The following FAM169A variants were observed in gnomAD, a reference collection of about 807,000 sequenced individuals.
The protein encoded by FAM169A is family with sequence similarity 169 member A.
In FAM169A, 24 loss-of-function variants were observed where a neutral mutation model predicts 75.7. The observed-to-expected ratio is 0.32, with a 90% confidence interval of 0.23 to 0.45. FAM169A has a LOEUF of 0.45. Ranked by LOEUF, FAM169A falls within the 20% of genes least tolerant of loss-of-function variation. FAM169A has a pLI of 1.00. For missense variants in FAM169A, 673 were observed against 784.0 expected (o/e 0.86, Z 1.69); for synonymous variants, 271 against 271.0 (o/e 1.00, Z 0.00).
rs534771614 is a variant in FAM169A, at chr5:74,804,699, G to T, written c.800-94C>A. On this transcript the variant is annotated intron_variant, in intron 7 of 12. Coordinates refer to ENST00000687041, the MANE Select transcript of FAM169A (RefSeq NM_001376049.1). ...ATTTTCCTAAAAGCTCTGAAGAGCA[G>T]CCTGGACAGAAGGGTCACGAAAATC... 4.4e-5 allele frequency: 29 copies of T among 654,848 alleles called. No individual in the cohort carries two copies. In the South Asian group the frequency reaches 6.5e-4, roughly 15 times the overall value. The allele number at this position is 654,848 out of a possible 1,614,324, so 40.6% of individuals were successfully genotyped here.
At position 74,781,275 on chromosome 5, in the gene FAM169A, G is replaced by A. The variant is rs1745395093; in HGVS notation, c.*185C>T. On this transcript the variant is annotated 3_prime_UTR_variant, in exon 13 of 13. Transcript: ENST00000687041. ...AAATTGCATTTACCAAAAATAGCCT[G>A]GAAAATTAAAAACAATGGTGAATTC... 1 of 506,750 alleles carries A rather than the reference G, an allele frequency of 2.0e-6. No individual in the cohort carries two copies. Among genetic ancestry groups the A allele is most frequent in the African/African-American group, 1.9e-5 (1 of 52,504 alleles). 31.4% of individuals were successfully genotyped at this position (506,750 alleles called of 1,614,324 possible). A position where few individuals can be genotyped will look rare whatever the true frequency, so the allele number is the denominator to read the frequency against.
At chr5:74,852,403 G>A (rs16872340) in intron 1 of FAM169A, among the ~76,000 whole-genome samples, 9,307 of 152,122 alleles carry the variant, frequency 0.061, 621 homozygotes, top group African/African-American at 0.16. Flanking sequence ...CCTCTCATTG[G>A]CAGCAGGCCC....
chr5:74,786,460 A>T (rs1745698877), intron 11 of FAM169A, among the ~76,000 whole-genome samples: 1 of 152,162 alleles, frequency 6.6e-6, no homozygotes. Flanking sequence ...GAGAACACTG[A>T]TAGTCTTTGG....
Position 74,781,836 on chromosome 5 carries a change from G to A in FAM169A, c.1637C>T (p.Ser546Phe). 6.2e-7 allele frequency: 1 copy of A among 1,614,090 alleles called. No individual in the cohort carries two copies. The highest frequency in any genetic ancestry group is 8.5e-7 in the Non-Finnish European group (1 of 1,180,008). The change falls in exon 13 of 13, where the codon TCT becomes TTT. Residue 546 changes from serine (S) to phenylalanine (F), a missense_variant. Ser to Phe is a radical substitution (Grantham distance 155). Transcript: ENST00000687041. Reference protein sequence around the residue: ...EERSDGGFPNSVIAEFSEEPV... With the variant: ...EERSDGGFPNFVIAEFSEEPV... ...TTCTTCGGAAAATTCAGCTATCACA[G>A]AGTTTGGAAAACCACCATCAGATCG...
intron 3 of FAM169A, 79 bp downstream of exon 3, chr5:74,839,995 C>T (rs1163514280): frequency 1.0e-5 from 7 of 694,220 alleles, no homozygotes; most frequent in Non-Finnish European, 1.5e-5. Context: ...CAAATTCCTT[C>T]ATGTAGCTAC....
chr5:74,841,775 T>C (rs1000564578), intron 1 of FAM169A, 96 bp from the exon 2 acceptor site: 2 of 1,109,476 alleles, frequency 1.8e-6, no homozygotes, highest in Non-Finnish European at 2.5e-6. Flanking sequence ...TGCCATATTT[T>C]GTTATAACAA....
chr5:74,840,727 G>T (rs1748819216), intron 2 of FAM169A, among the ~76,000 whole-genome samples: 1 of 151,486 alleles, frequency 6.6e-6, no homozygotes, highest in African/African-American at 2.4e-5. Context: ...TACTCGGGAG[G>T]CTAAGGCAGG....
chr5:74,839,724 A>C lies in FAM169A; in HGVS notation c.232+350T>G, dbSNP rs1748760052. 4.6e-5 allele frequency among the ~76,000 whole-genome samples: 7 copies of C among 151,870 alleles called. 1 individual carries two copies. Among genetic ancestry groups the C allele is most frequent in the Admixed American group, 4.6e-4 (7 of 15,254 alleles). On this transcript the variant is annotated intron_variant, in intron 3 of 12. Transcript: ENST00000687041. ...TTTTTAGTAGAGACAGGGTTTCACC[A>C]TGTTGGTCAGGCTGGTCTCAAACTT...
chr5:74,814,681 G>C (rs772666147), intron 5 of FAM169A, among the ~76,000 whole-genome samples: 3 of 152,072 alleles, frequency 2.0e-5, no homozygotes. Flanking sequence ...AAAATTTGTA[G>C]TTTCTATATA....
chr5:74,851,310 A>G (rs931853220), intron 1 of FAM169A, among the ~76,000 whole-genome samples: 26 of 152,170 alleles, frequency 1.7e-4, no homozygotes, highest in Non-Finnish European at 2.1e-4. Flanking sequence ...AATTTGGGTT[A>G]CATGCCTCCA....
At chr5:74,840,596 A>G (rs1321900733) in intron 2 of FAM169A, among the ~76,000 whole-genome samples, 8 of 151,876 alleles carry the variant, frequency 5.3e-5, no homozygotes, top group Non-Finnish European at 7.4e-5. Context: ...TGGGGAGGCC[A>G]AGGCGGGCGG....
chr5:74,813,723 G>A (rs1310576316), intron 6 of FAM169A, 117 bp downstream of exon 6: 2 of 635,970 alleles, frequency 3.1e-6, no homozygotes, highest in African/African-American at 3.8e-5. Flanking sequence ...AAGTTCTAGA[G>A]AGCCTAAGGT....
intron 1 of FAM169A, among the ~76,000 whole-genome samples, chr5:74,852,790 G>C (rs1749509929): frequency 6.6e-6 from 1 of 152,078 alleles, no homozygotes; most frequent in South Asian, 2.1e-4. Flanking sequence ...GACTTCACTT[G>C]GTATACAAGC....
At chr5:74,834,639 G>C (rs778853550) in intron 4 of FAM169A, 42 bp from the exon 5 acceptor site, 2 of 1,389,378 alleles carry the variant, frequency 1.4e-6, no homozygotes, top group Non-Finnish European at 1.9e-6. Context: ...GTTATAATAT[G>C]CATCAATCAC....
intron 6 of FAM169A, among the ~76,000 whole-genome samples, chr5:74,811,452 GC>G (rs1747189138): frequency 6.6e-6 from 1 of 152,114 alleles, no homozygotes; most frequent in African/African-American, 2.4e-5. Flanking sequence ...GACACACAAT[GC>G]CCATCCCACT....
intron 1 of FAM169A, among the ~76,000 whole-genome samples, chr5:74,858,988 T>C (rs1368955978): frequency 1.3e-5 from 2 of 152,034 alleles, no homozygotes; most frequent in Non-Finnish European, 2.9e-5. Context: ...CCAAGGCATG[T>C]GGATCACCTG....
At chr5:74,800,287 C>A (rs1320144878) in intron 10 of FAM169A, among the ~76,000 whole-genome samples, 1 of 151,760 alleles carries the variant, frequency 6.6e-6, no homozygotes, top group African/African-American at 2.4e-5. Flanking sequence ...AATTTCATTC[C>A]ATTCTTGACC....
chr5:74,798,172 T>C (rs370413940), intron 10 of FAM169A, among the ~76,000 whole-genome samples: 12 of 152,362 alleles, frequency 7.9e-5, no homozygotes, highest in African/African-American at 2.6e-4. Flanking sequence ...CACTTTCCAT[T>C]ACTGTTCTAT....
intron 1 of FAM169A, among the ~76,000 whole-genome samples, chr5:74,863,654 A>G (rs1258207005): frequency 6.6e-6 from 1 of 152,212 alleles, no homozygotes; most frequent in Non-Finnish European, 1.5e-5. Flanking sequence ...TTTAGGTAGG[A>G]GCTAATAGAG....
Sources: allele counts gnomAD v4.1 joint callset (sites outside exome capture counted in the v4.1 genomes callset), GRCh38; gene constraint gnomAD v4.1.1; transcripts MANE v1.5; gene names NCBI Gene and HGNC (gene_info 2026-07-23, HGNC 2026-07-21).